The following EEA1 variants were observed in gnomAD, a reference collection of about 807,000 sequenced individuals.
EEA1 encodes the protein early endosome antigen 1.
EEA1 carries 111 observed loss-of-function variants against 209.2 expected under a neutral mutation model. The ratio of observed to expected loss-of-function variants is 0.53; its 90% confidence interval spans 0.45 to 0.62. EEA1 has a LOEUF of 0.62. EEA1 is among the 20% of genes least tolerant of loss of function. The pLI, the probability that EEA1 is intolerant of heterozygous loss-of-function variation, is 0.00. For missense variants in EEA1, 1,343 were observed against 1,530.8 expected (o/e 0.88, Z 2.05); for synonymous variants, 536 against 540.6 (o/e 0.99, Z 0.12).
chr12:92,818,281 G>C (rs1182827415), intron 14 of EEA1, among the ~76,000 whole-genome samples: 1 of 152,104 alleles, frequency 6.6e-6, no homozygotes, highest in East Asian at 1.9e-4. Flanking sequence ...CCACAGTCTG[G>C]AAAATGTCTC....
At chr12:92,860,772 C>T (rs903029785) in intron 3 of EEA1, among the ~76,000 whole-genome samples, 1 of 151,914 alleles carries the variant, frequency 6.6e-6, no homozygotes, top group African/African-American at 2.4e-5. Context: ...TGACTGCTTG[C>T]CCTAAGCAGA....
intron 1 of EEA1, among the ~76,000 whole-genome samples, chr12:92,924,366 C>T (rs569609672): frequency 1.4e-4 from 21 of 152,000 alleles, no homozygotes; most frequent in African/African-American, 3.9e-4. Context: ...CGCCACCACG[C>T]CCAGCTAATT....
intron 2 of EEA1, among the ~76,000 whole-genome samples, chr12:92,883,197 C>A (rs775431918): frequency 8.5e-5 from 13 of 152,102 alleles, no homozygotes; most frequent in Non-Finnish European, 8.8e-5. Context: ...GTTTCTTGGC[C>A]ATTTGTATGT....
chr12:92,872,424 G>T (rs1014280613), intron 2 of EEA1, among the ~76,000 whole-genome samples: 5 of 152,168 alleles, frequency 3.3e-5, no homozygotes, highest in Non-Finnish European at 7.4e-5. Context: ...AGTTCTCTTT[G>T]AAAGTAATTT....
At chr12:92,806,583 C>T (rs898808675) in intron 18 of EEA1, among the ~76,000 whole-genome samples, 10 of 152,132 alleles carry the variant, frequency 6.6e-5, no homozygotes, top group African/African-American at 2.4e-4. Flanking sequence ...CCATCTCATA[C>T]AAACTATTTC....
At chr12:92,778,702 A>G (rs1873768023) in intron 25 of EEA1, among the ~76,000 whole-genome samples, 1 of 152,052 alleles carries the variant, frequency 6.6e-6, no homozygotes, top group Admixed American at 6.6e-5. Flanking sequence ...GGCATGTGCA[A>G]CTTAGGAAAG....
intron 1 of EEA1, among the ~76,000 whole-genome samples, chr12:92,902,045 T>C (rs1340709066): frequency 1.3e-5 from 2 of 152,152 alleles, no homozygotes; most frequent in South Asian, 4.1e-4. Flanking sequence ...TTTAAAGTGA[T>C]AGGCTGGGCA....
intron 11 of EEA1, among the ~76,000 whole-genome samples, chr12:92,831,484 T>C (rs899252990): frequency 3.4e-5 from 5 of 148,656 alleles, no homozygotes; most frequent in African/African-American, 1.2e-4. Context: ...GTAAATAATA[T>C]ATGAATTGTA....
At chr12:92,928,605 A>G (rs1250712002) in intron 1 of EEA1, among the ~76,000 whole-genome samples, 1 of 152,072 alleles carries the variant, frequency 6.6e-6, no homozygotes, top group Non-Finnish European at 1.5e-5. Context: ...ATTGGGGGGC[A>G]CGGGGAGTGC....
At chr12:92,778,249 T>C in intron 25 of EEA1, 70 bp from the exon 26 acceptor site, 1 of 1,272,924 alleles carries the variant, frequency 7.9e-7, no homozygotes, top group African/African-American at 1.5e-5. Context: ...AGTGATTTAT[T>C]ACATTTAAAA....
At chr12:92,861,374 G>T (rs1189780555) in intron 3 of EEA1, among the ~76,000 whole-genome samples, 1 of 152,212 alleles carries the variant, frequency 6.6e-6, no homozygotes, top group South Asian at 2.1e-4. Flanking sequence ...AGAATCGCTT[G>T]GACCCAGGAG....
At chr12:92,866,305 T>G (rs1336955073) in intron 2 of EEA1, among the ~76,000 whole-genome samples, 1 of 151,798 alleles carries the variant, frequency 6.6e-6, no homozygotes, top group Admixed American at 6.6e-5. Flanking sequence ...ACAATTCTGC[T>G]AATTAAAGGT....
chr12:92,861,439 G>A, intron 3 of EEA1, among the ~76,000 whole-genome samples: 1 of 152,136 alleles, frequency 6.6e-6, no homozygotes, highest in Middle Eastern at 3.2e-3. Flanking sequence ...TGGGCAACAA[G>A]TACAAAACTC....
intron 2 of EEA1, chr12:92,879,384 C>G (rs1183828456): frequency 2.2e-6 from 1 of 446,088 alleles, no homozygotes; most frequent in Non-Finnish European, 4.5e-6. Flanking sequence ...ATAGTAACAA[C>G]ACAGCAAGAC....
intron 2 of EEA1, among the ~76,000 whole-genome samples, chr12:92,871,337 C>T (rs1055776846): frequency 2.0e-5 from 3 of 152,032 alleles, no homozygotes; most frequent in Admixed American, 6.6e-5. Context: ...TAAGCAACAC[C>T]GAGGCAAGGA....
In EEA1 at chr12:92,926,302, CA is replaced by C. The variant is rs1450304082; in HGVS notation, c.24+2740del. 2.0e-5 allele frequency among the ~76,000 whole-genome samples: 3 copies of C among 152,176 alleles called. No individual in the cohort carries two copies. In the East Asian group the frequency reaches 5.8e-4, roughly 29 times the overall value. On this transcript the variant is annotated intron_variant, in intron 1 of 28. Transcript: ENST00000322349. ...GCCACTGCACCCAGCCAAGGAATGCCACATAATTTCAAAGCACAGAGTCCAT... is the reference window on the plus strand; with the variant it reads ...GCCACTGCACCCAGCCAAGGAATGCCCATAATTTCAAAGCACAGAGTCCAT...
intron 2 of EEA1, chr12:92,884,116 T>G: frequency 8.3e-7 from 1 of 1,204,472 alleles, no homozygotes; most frequent in Non-Finnish European, 1.2e-6. Flanking sequence ...CATTAAACAA[T>G]GAAGAACAAC....
At chr12:92,876,585 T>C (rs1197943255) in intron 2 of EEA1, among the ~76,000 whole-genome samples, 2 of 152,146 alleles carry the variant, frequency 1.3e-5, no homozygotes, top group African/African-American at 2.4e-5. Context: ...GGACTTCTCA[T>C]ACTCTAGAAC....
At chr12:92,787,263 C>T (rs768889930) in intron 22 of EEA1, among the ~76,000 whole-genome samples, 4 of 152,078 alleles carry the variant, frequency 2.6e-5, no homozygotes, top group Non-Finnish European at 4.4e-5. Context: ...CACAAATATT[C>T]CATTTTCCTT....
Sources: gnomAD v4.1 joint callset for allele counts (sites outside exome capture counted in the v4.1 genomes callset) on GRCh38, gnomAD v4.1.1 for gene constraint, MANE v1.5 for transcripts, NCBI Gene and HGNC (gene_info 2026-07-23, HGNC 2026-07-21) for gene names.